Variants in ARHGAP44 observed in about 807,000 individuals in gnomAD.
ARHGAP44 encodes rho GTPase-activating protein 44.
In ARHGAP44, 43 loss-of-function variants were observed where a neutral mutation model predicts 106.8. The ratio of observed to expected loss-of-function variants is 0.40; its 90% confidence interval spans 0.32 to 0.52. ARHGAP44 has a LOEUF of 0.52. Among genes scored for constraint, ARHGAP44 ranks in the 20% least tolerant of loss-of-function variants. The probability of loss-of-function intolerance (pLI) is 0.48; values close to 1 mark genes in which losing one functional copy is unlikely to be tolerated. For synonymous variants in ARHGAP44, 439 were observed against 410.3 expected, an observed-to-expected ratio of 1.07 and a Z score of -0.85; for missense variants, 866 against 1,050.5, an observed-to-expected ratio of 0.82 and a Z score of 2.43.
At chr17:12,961,500 C>G (rs559780643) in intron 16 of ARHGAP44, among the ~76,000 whole-genome samples, 3 of 152,184 alleles carry the variant, frequency 2.0e-5, no homozygotes, top group Non-Finnish European at 4.4e-5. Flanking sequence ...TTTGGGAGGC[C>G]AAGGCAGGTG....
intron 1 of ARHGAP44, among the ~76,000 whole-genome samples, chr17:12,850,452 C>T (rs7219331): frequency 0.011 from 1,631 of 151,148 alleles, 30 homozygotes; most frequent in African/African-American, 0.038. Context: ...TTCTTGGGTG[C>T]AGTGACCAAG....
intron 1 of ARHGAP44, among the ~76,000 whole-genome samples, chr17:12,806,688 G>T (rs902599152): frequency 2.0e-5 from 3 of 152,208 alleles, no homozygotes; most frequent in African/African-American, 7.2e-5. Context: ...CTTGCTAGTT[G>T]TAAAACCATG....
At chr17:12,798,709 T>C (rs200150100) in intron 1 of ARHGAP44, among the ~76,000 whole-genome samples, 1 of 151,152 alleles carries the variant, frequency 6.6e-6, no homozygotes, top group African/African-American at 2.4e-5. Flanking sequence ...TTGATTTTTT[T>C]CCCCCATATC....
chr17:12,851,403 T>C (rs2035735249), intron 1 of ARHGAP44, among the ~76,000 whole-genome samples: 1 of 152,186 alleles, frequency 6.6e-6, no homozygotes, highest in Admixed American at 6.5e-5. Flanking sequence ...GAGGACCCAC[T>C]GTCATCACAC....
intron 1 of ARHGAP44, among the ~76,000 whole-genome samples, chr17:12,884,580 C>T (rs529468291): frequency 1.9e-4 from 29 of 152,068 alleles, no homozygotes; most frequent in Non-Finnish European, 3.4e-4. Context: ...TTTTTGTAGA[C>T]TCTTATTTGT....
intron 9 of ARHGAP44, 34 bp downstream of exon 9, chr17:12,943,703 C>T (rs375409165): frequency 1.3e-5 from 21 of 1,604,650 alleles, no homozygotes; most frequent in East Asian, 8.9e-5. Flanking sequence ...AAGGGAGGGC[C>T]GGGGTGCCTG....
intron 1 of ARHGAP44, among the ~76,000 whole-genome samples, chr17:12,849,960 C>T (rs1046208041): frequency 2.0e-5 from 3 of 151,920 alleles, no homozygotes; most frequent in African/African-American, 4.8e-5. Flanking sequence ...CATCCAAGAC[C>T]GAAAAATAGC....
intron 1 of ARHGAP44, among the ~76,000 whole-genome samples, chr17:12,817,316 C>A (rs529622133): frequency 1.3e-5 from 2 of 152,012 alleles, no homozygotes; most frequent in Admixed American, 6.5e-5. Flanking sequence ...GGAATGGATA[C>A]CCCATTTACC....
At chr17:12,869,810 G>A (rs1165063649) in intron 1 of ARHGAP44, among the ~76,000 whole-genome samples, 1 of 150,078 alleles carries the variant, frequency 6.7e-6, no homozygotes, top group Non-Finnish European at 1.5e-5. Context: ...TTTTTACTAT[G>A]CATACTGTTT....
In ARHGAP44 at chr17:12,990,298, T is replaced by G; in HGVS notation, c.*127T>G. On this transcript the variant is annotated 3_prime_UTR_variant, in exon 21 of 21. Coordinates refer to ENST00000379672, the MANE Select transcript of ARHGAP44 (RefSeq NM_014859.6). Reference sequence around the variant, plus strand: ...CTTTCCTGCCACTGCCAACACGAGGTTGGAATTTGGCAGAAAATTGTGATC... The same window carrying G: ...CTTTCCTGCCACTGCCAACACGAGGGTGGAATTTGGCAGAAAATTGTGATC... 1 of 1,294,960 alleles carries G rather than the reference T, an allele frequency of 7.7e-7. No homozygotes were observed. Among genetic ancestry groups the G allele is most frequent in the Non-Finnish European group, 1.0e-6 (1 of 960,360 alleles). 80.2% of individuals were successfully genotyped at this position (1,294,960 alleles called of 1,614,324 possible).
At chr17:12,802,195 A>G (rs916033285) in intron 1 of ARHGAP44, among the ~76,000 whole-genome samples, 7 of 152,236 alleles carry the variant, frequency 4.6e-5, no homozygotes, top group African/African-American at 7.2e-5. Context: ...TGTATGACAC[A>G]TAGCTGAAAT....
chr17:12,931,769 G>T (rs1451093482), intron 7 of ARHGAP44, among the ~76,000 whole-genome samples: 1 of 151,796 alleles, frequency 6.6e-6, no homozygotes, highest in East Asian at 1.9e-4. Context: ...AAAGTGCTGG[G>T]ATTACAGGCA....
chr17:12,932,698 G>C (rs1598077144), intron 7 of ARHGAP44, among the ~76,000 whole-genome samples: 1 of 149,080 alleles, frequency 6.7e-6, no homozygotes, highest in Non-Finnish European at 1.5e-5. Flanking sequence ...TGAGGTAGGG[G>C]TTTCTTTCTT....
At chr17:12,822,875 G>A (rs1045739907) in intron 1 of ARHGAP44, among the ~76,000 whole-genome samples, 2 of 152,192 alleles carry the variant, frequency 1.3e-5, no homozygotes, top group Non-Finnish European at 2.9e-5. Flanking sequence ...CACAGCTTGC[G>A]TTCTGTTCAA....
At chr17:12,885,508 A>C (rs1040685231) in intron 1 of ARHGAP44, among the ~76,000 whole-genome samples, 1 of 151,040 alleles carries the variant, frequency 6.6e-6, no homozygotes, top group African/African-American at 2.4e-5. Context: ...GTTATTCCAT[A>C]TGGTCAAGAA....
At chr17:12,971,320 C>T (rs1237539300) in intron 16 of ARHGAP44, among the ~76,000 whole-genome samples, 1 of 152,026 alleles carries the variant, frequency 6.6e-6, no homozygotes, top group East Asian at 1.9e-4. Context: ...AGAAGGCATC[C>T]CCCACCAGCT....
chr17:12,903,138 AGAGTGTGT>A (rs2037440997), intron 3 of ARHGAP44, among the ~76,000 whole-genome samples: 3 of 94,706 alleles, frequency 3.2e-5, no homozygotes, highest in South Asian at 3.9e-4. Context: ...AGAGAGAGAG[AGAGTGTGT>A]GTGTGTGTGT....
intron 1 of ARHGAP44, among the ~76,000 whole-genome samples, chr17:12,849,351 C>T (rs904568582): frequency 3.3e-5 from 5 of 151,982 alleles, no homozygotes; most frequent in African/African-American, 1.2e-4. Flanking sequence ...CTATTCATCA[C>T]CCAACTTTCC....
At chr17:12,841,639 C>CACACACACA (rs1555546108) in intron 1 of ARHGAP44, among the ~76,000 whole-genome samples, 1 of 137,398 alleles carries the variant, frequency 7.3e-6, no homozygotes, top group African/African-American at 2.9e-5. Flanking sequence ...CACACACACA[C>CACACACACA]AAACAAACAA....
Sources: gnomAD v4.1 joint callset for allele counts (sites outside exome capture counted in the v4.1 genomes callset) on GRCh38, gnomAD v4.1.1 for gene constraint, MANE v1.5 for transcripts, NCBI Gene and HGNC (gene_info 2026-07-23, HGNC 2026-07-21) for gene names.